The following SESTD1 variants were observed in gnomAD, a reference collection of about 807,000 sequenced individuals.
The protein encoded by SESTD1 is SEC14 domain and spectrin repeat-containing protein 1.
A neutral mutation model predicts 101.7 loss-of-function variants in SESTD1; 43 were observed. The observed-to-expected ratio is 0.42, with a 90% CI of 0.33 to 0.55. The LOEUF is 0.55. SESTD1 is among the 20% of genes least tolerant of loss of function. The pLI is 0.07. For missense variants in SESTD1, 647 were observed against 815.1 expected (o/e 0.79, Z 2.51); for synonymous variants, 283 against 286.8 (o/e 0.99, Z 0.13).
intron 8 of SESTD1, 130 bp downstream of exon 8, chr2:179,146,272 G>T: frequency 2.5e-6 from 2 of 790,346 alleles, no homozygotes; most frequent in Non-Finnish European, 4.2e-6. Context: ...ACCAGTCCCT[G>T]GTCCTCAAAA....
In SESTD1 at chr2:179,106,025, A is replaced by G. The variant is rs2044374760; in HGVS notation, c.*3874T>C. 6.6e-6 allele frequency: 1 copy of G among 152,218 alleles called. No individual in the cohort carries two copies. Among genetic ancestry groups the G allele is most frequent in the Non-Finnish European group, 1.5e-5 (1 of 68,036 alleles). 9.4% of individuals were successfully genotyped at this position (152,218 alleles called of 1,614,324 possible). A position where few individuals can be genotyped will look rare whatever the true frequency, so the allele number is the denominator to read the frequency against. ...CTCATCAGGGTATTTGTTGCTCTAT[A>G]TACCAGCATAGTATATTTTCTACTC... On this transcript the variant is annotated 3_prime_UTR_variant, in exon 18 of 18. Transcript: ENST00000428443.
intron 8 of SESTD1, among the ~76,000 whole-genome samples, chr2:179,144,239 T>C (rs2045347533): frequency 6.6e-6 from 1 of 152,106 alleles, no homozygotes; most frequent in South Asian, 2.1e-4. Flanking sequence ...CTGATGGTAC[T>C]AATCCAAGTA....
chr2:179,119,559 T>C (rs1008439835), intron 13 of SESTD1, among the ~76,000 whole-genome samples: 1 of 152,200 alleles, frequency 6.6e-6, no homozygotes, highest in Non-Finnish European at 1.5e-5. Flanking sequence ...ACCACGATTC[T>C]GTTTCCTGAG....
chr2:179,251,137 A>G (rs2047310541), intron 1 of SESTD1, among the ~76,000 whole-genome samples: 1 of 152,176 alleles, frequency 6.6e-6, no homozygotes, highest in Non-Finnish European at 1.5e-5. Flanking sequence ...TCTCCAGTGA[A>G]TTATGCTGAA....
chr2:179,181,945 G>GA (rs2046119236), intron 3 of SESTD1, among the ~76,000 whole-genome samples: 1 of 143,908 alleles, frequency 6.9e-6, no homozygotes, highest in Non-Finnish European at 1.5e-5. Flanking sequence ...CCCAGAAACT[G>GA]AAAAAATTGA....
chr2:179,217,635 T>TA (rs1390804767), intron 1 of SESTD1, among the ~76,000 whole-genome samples: 6 of 152,170 alleles, frequency 3.9e-5, no homozygotes, highest in African/African-American at 4.8e-5. Context: ...CCTGGTTATA[T>TA]ACCCAAAGGA....
At chr2:179,201,772 G>T (rs1574032528) in intron 1 of SESTD1, among the ~76,000 whole-genome samples, 1 of 126,352 alleles carries the variant, frequency 7.9e-6, no homozygotes, top group South Asian at 3.3e-4. Context: ...GGGGACTGTT[G>T]TGGGGTGGGG....
intron 4 of SESTD1, among the ~76,000 whole-genome samples, chr2:179,175,959 TA>T (rs1321123635): frequency 3.3e-5 from 5 of 152,174 alleles, no homozygotes; most frequent in African/African-American, 1.2e-4. Context: ...TACAAATAAA[TA>T]AGATCATCGT....
At chr2:179,246,294 T>G in intron 1 of SESTD1, among the ~76,000 whole-genome samples, 1 of 144,638 alleles carries the variant, frequency 6.9e-6, no homozygotes, top group Non-Finnish European at 1.5e-5. Flanking sequence ...CAAAGAAAAG[T>G]GAGAATGGCT....
chr2:179,151,226 AAT>A (rs1289181516), intron 6 of SESTD1, 50 bp downstream of exon 6: 6 of 1,238,624 alleles, frequency 4.8e-6, no homozygotes, highest in Non-Finnish European at 6.6e-6. Flanking sequence ...AAGTTATCAA[AAT>A]ATATCTTATT....
At chr2:179,164,261 A>G (rs1244771101) in intron 5 of SESTD1, among the ~76,000 whole-genome samples, 1 of 152,188 alleles carries the variant, frequency 6.6e-6, no homozygotes, top group Non-Finnish European at 1.5e-5. Flanking sequence ...GCATCATGGA[A>G]GTCTTTGGTC....
intron 1 of SESTD1, among the ~76,000 whole-genome samples, chr2:179,251,240 G>A (rs570252977): frequency 2.6e-5 from 4 of 152,278 alleles, no homozygotes; most frequent in Non-Finnish European, 2.9e-5. Context: ...GGAGAATAAT[G>A]GCTGCCAGGT....
chr2:179,245,335 G>A (rs1047003898), intron 1 of SESTD1, among the ~76,000 whole-genome samples: 14 of 151,942 alleles, frequency 9.2e-5, no homozygotes, highest in African/African-American at 3.4e-4. Flanking sequence ...GGCCAATATG[G>A]TGAAACCCTG....
chr2:179,105,547 G>A lies in SESTD1; in HGVS notation c.*4352C>T, dbSNP rs1233890179. Reference sequence around the variant, plus strand: ...GTGAAGGGGTGGTGGAACTAAGGGGGTGGGGCGGCGAACATAGGCAATATG... The same window carrying A: ...GTGAAGGGGTGGTGGAACTAAGGGGATGGGGCGGCGAACATAGGCAATATG... On this transcript the variant is annotated 3_prime_UTR_variant, in exon 18 of 18. Transcript: ENST00000428443. 2 of 151,956 alleles carry A rather than the reference G, an allele frequency of 1.3e-5. No individual in the cohort carries two copies. The highest frequency in any genetic ancestry group is 2.9e-5 in the Non-Finnish European group (2 of 67,960). The allele number at this position is 151,956 out of a possible 1,614,324, so 9.4% of individuals were successfully genotyped here.
chr2:179,181,410 G>GA (rs2046106997), intron 3 of SESTD1, among the ~76,000 whole-genome samples: 1 of 152,174 alleles, frequency 6.6e-6, no homozygotes, highest in Non-Finnish European at 1.5e-5. Context: ...AATGCTGAAG[G>GA]AAAACCTAAC....
chr2:179,109,496 G>T lies in SESTD1; in HGVS notation c.*403C>A, dbSNP rs2044459940. ...TGAGGACACCACTGTCTACTAACAA[G>T]AGTTTAACTACTGTCTAAATTTACT... On this transcript the variant is annotated 3_prime_UTR_variant, in exon 18 of 18. Transcript: ENST00000428443. 1 of 384,860 alleles carries T rather than the reference G, an allele frequency of 2.6e-6. No homozygotes were observed. The highest frequency in any genetic ancestry group is 4.6e-6 in the Non-Finnish European group (1 of 217,402). The allele number at this position is 384,860 out of a possible 1,614,324, so 23.8% of individuals were successfully genotyped here.
At chr2:179,232,506 A>G (rs989860587) in intron 1 of SESTD1, among the ~76,000 whole-genome samples, 4 of 152,124 alleles carry the variant, frequency 2.6e-5, no homozygotes, top group Non-Finnish European at 5.9e-5. Flanking sequence ...TCAAAGTAAG[A>G]AGCGACAAGG....
chr2:179,171,616 CA>C (rs1297664508), intron 5 of SESTD1, among the ~76,000 whole-genome samples: 1 of 152,144 alleles, frequency 6.6e-6, no homozygotes, highest in Non-Finnish European at 1.5e-5. Flanking sequence ...TACATTCCAT[CA>C]TAGTGCTTTT....
intron 1 of SESTD1, among the ~76,000 whole-genome samples, chr2:179,197,813 T>A (rs1203143648): frequency 6.6e-6 from 1 of 151,782 alleles, no homozygotes. Flanking sequence ...AAGGAAGCGC[T>A]AAACATGGAA....
Sources: allele counts gnomAD v4.1 joint callset (sites outside exome capture counted in the v4.1 genomes callset), GRCh38; gene constraint gnomAD v4.1.1; transcripts MANE v1.5; gene names NCBI Gene and HGNC (gene_info 2026-07-23, HGNC 2026-07-21).